The following PLEKHG7 variants were observed in gnomAD, a reference collection of about 807,000 sequenced individuals.
PLEKHG7 encodes the protein pleckstrin homology and RhoGEF domain containing G7, also known as pleckstrin homology domain-containing family G member 7.
PLEKHG7 carries 77 observed loss-of-function variants against 85.2 expected under a neutral mutation model. That is an observed-to-expected ratio of 0.90 (90% CI 0.75 to 1.09). The LOEUF (loss-of-function observed/expected upper bound fraction) is 1.09, where lower values mean the gene tolerates loss of function less well. Among genes scored for constraint, PLEKHG7 ranks in the 50% least tolerant of loss-of-function variants. The probability of loss-of-function intolerance (pLI) is 0.00; values close to 1 mark genes in which losing one functional copy is unlikely to be tolerated. For missense variants in PLEKHG7, 777 were observed against 804.3 expected (o/e 0.97, Z 0.41); for synonymous variants, 301 against 302.4 (o/e 1.00, Z 0.05).
chr12:92,749,637 T>C (rs1872630107), intron 10 of PLEKHG7: 1 of 152,210 alleles, frequency 6.6e-6, no homozygotes, highest in South Asian at 2.1e-4. Flanking sequence ...GAACTCTAGC[T>C]GCCATGGACT....
At position 92,765,815 on chromosome 12, in the gene PLEKHG7, A is replaced by C. The variant is rs533743819; in HGVS notation, c.1870+1621A>C. On this transcript the variant is annotated intron_variant, in intron 15 of 16. Transcript: ENST00000344636. ...TCTAAAAATAAAAATAAATTGTAAA[A>C]ATTTTAATGCCTTACATATATTAAC... is the stretch of plus-strand genomic sequence containing the variant. Among the ~76,000 whole-genome samples the C allele has an allele frequency of 6.6e-5, 10 of 152,150 alleles. No individual in the cohort carries two copies. The South Asian group carries it at 2.1e-3, about 32-fold the overall frequency.
intron 14 of PLEKHG7, among the ~76,000 whole-genome samples, chr12:92,763,729 G>A (rs1355693843): frequency 6.6e-6 from 1 of 152,040 alleles, no homozygotes; most frequent in Admixed American, 6.6e-5. Flanking sequence ...GATGATGGGA[G>A]GATCACTTGA....
At chr12:92,751,341 T>C (rs1348962536) in intron 10 of PLEKHG7, among the ~76,000 whole-genome samples, 1 of 152,120 alleles carries the variant, frequency 6.6e-6, no homozygotes, top group Non-Finnish European at 1.5e-5. Flanking sequence ...CTCACTCTCA[T>C]GGCCAGCCAC....
chr12:92,739,206 A>G (rs1026336211), intron 7 of PLEKHG7, among the ~76,000 whole-genome samples: 3 of 152,216 alleles, frequency 2.0e-5, no homozygotes. Context: ...CATTCATAGC[A>G]GAAGTCTTGA....
chr12:92,718,667 G>A (rs1392693857), intron 3 of PLEKHG7, among the ~76,000 whole-genome samples: 7 of 152,040 alleles, frequency 4.6e-5, no homozygotes, highest in African/African-American at 7.2e-5. Context: ...TGACCTCCTC[G>A]ATCTTCCTTA....
At chr12:92,764,318 GTGTCTACATATC>G (rs1416981998) in intron 15 of PLEKHG7, 124 bp downstream of exon 15, 1 of 988,078 alleles carries the variant, frequency 1.0e-6, no homozygotes, top group African/African-American at 1.7e-5. Flanking sequence ...GTGTTCCTAT[GTGTCTACATATC>G]TTTCACTCTA....
At chr12:92,759,030 A>C (rs956534592) in intron 13 of PLEKHG7, among the ~76,000 whole-genome samples, 1 of 152,174 alleles carries the variant, frequency 6.6e-6, no homozygotes, top group Non-Finnish European at 1.5e-5. Context: ...GCTGCTGCTG[A>C]TAATGATGAT....
At chr12:92,769,893 A>C (rs1009989248) in intron 16 of PLEKHG7, among the ~76,000 whole-genome samples, 195 bp from the exon 17 acceptor site, 4 of 152,168 alleles carry the variant, frequency 2.6e-5, no homozygotes, top group African/African-American at 7.2e-5. Context: ...GCCCATCTGC[A>C]TTTTCCTGTA....
rs374518779 is a variant in PLEKHG7, at chr12:92,764,075, C to T, written c.1751C>T (p.Pro584Leu). The T allele has an allele frequency of 1.0e-4, 167 of 1,611,642 alleles. No individual in the cohort carries two copies. Among genetic ancestry groups the T allele is most frequent in the Non-Finnish European group, 1.3e-4 (156 of 1,178,764 alleles). ...GGCTCAGACCCTGGTTTAATGTGTCCTTCTCTTACTCCTGAGTTGCAAGCA... is the reference window on the plus strand; with the variant it reads ...GGCTCAGACCCTGGTTTAATGTGTCTTTCTCTTACTCCTGAGTTGCAAGCA... ...LGGSDPGLMC[P>L]SLTPELQAVI... The change falls in exon 15 of 17, where the codon CCT becomes CTT. Residue 584 changes from proline (P) to leucine (L), a missense_variant. Pro to Leu is a moderately conservative substitution (Grantham distance 98). Around this residue, in one of 3 missense-constraint regions of PLEKHG7, gnomAD observed 520 missense variants for 544.0 expected, o/e 0.96. Coordinates refer to ENST00000344636, the MANE Select transcript of PLEKHG7 (RefSeq NM_001377329.1).
At chr12:92,768,816 C>A (rs1307352924) in intron 15 of PLEKHG7, among the ~76,000 whole-genome samples, 167 bp from the exon 16 acceptor site, 1 of 151,796 alleles carries the variant, frequency 6.6e-6, no homozygotes, top group Non-Finnish European at 1.5e-5. Context: ...GGGGTCTTGG[C>A]ATTGAAATAA....
chr12:92,709,817 C>T (rs1026607444), intron 3 of PLEKHG7, among the ~76,000 whole-genome samples: 9 of 152,160 alleles, frequency 5.9e-5, no homozygotes, highest in Non-Finnish European at 7.4e-5. Flanking sequence ...GCCAGGCAGG[C>T]GGATCACTTG....
Position 92,752,941 on chromosome 12 carries a change from T to C in PLEKHG7, c.1252-1149T>C, listed in dbSNP as rs1472398907. On this transcript the variant is annotated intron_variant, in intron 10 of 16. Transcript: ENST00000344636. ...TGGTGAAAAGAGAGCTAGAGAGCTC[T>C]CCGGGACCCCTTTTATAGGGACACT... Among the ~76,000 whole-genome samples the C allele has an allele frequency of 3.3e-5, 5 of 152,120 alleles. No individual in the cohort carries two copies. The East Asian group carries it at 9.6e-4, about 29-fold the overall frequency.
chr12:92,748,993 A>T (rs1872612757), intron 10 of PLEKHG7, among the ~76,000 whole-genome samples: 1 of 152,220 alleles, frequency 6.6e-6, no homozygotes, highest in South Asian at 2.1e-4. Flanking sequence ...AGTTTAGACA[A>T]ATTAGGCAAC....
chr12:92,750,591 G>A (rs1872664357), intron 10 of PLEKHG7, among the ~76,000 whole-genome samples: 1 of 152,134 alleles, frequency 6.6e-6, no homozygotes. Flanking sequence ...TGAGTTTTTT[G>A]GGAGGACAGG....
chr12:92,755,726 C>T, intron 11 of PLEKHG7, 99 bp from the exon 12 acceptor site: 3 of 789,952 alleles, frequency 3.8e-6, no homozygotes, highest in Non-Finnish European at 6.6e-6. Context: ...GCTCCAGGGG[C>T]AGCCAGTGTT....
intron 16 of PLEKHG7, among the ~76,000 whole-genome samples, chr12:92,769,761 TCCAGCAATG>T (rs1422351437): frequency 2.6e-5 from 4 of 152,308 alleles, no homozygotes; most frequent in Admixed American, 6.5e-5. Flanking sequence ...GAATAGAAAT[TCCAGCAATG>T]CCACTTTCAA....
intron 16 of PLEKHG7, 35 bp downstream of exon 16, chr12:92,769,115 CAG>C (rs1277992489): frequency 4.2e-6 from 6 of 1,429,158 alleles, no homozygotes; most frequent in Non-Finnish European, 5.8e-6. Context: ...TTTGATTCTT[CAG>C]AGTTTACATA....
intron 11 of PLEKHG7, 46 bp downstream of exon 11, chr12:92,754,310 G>C: frequency 6.3e-7 from 1 of 1,578,430 alleles, no homozygotes; most frequent in Non-Finnish European, 8.7e-7. Context: ...TTGTGGCCTT[G>C]TGACTCCTGG....
chr12:92,722,012 A>C (rs1480003623), intron 3 of PLEKHG7, among the ~76,000 whole-genome samples: 1 of 152,014 alleles, frequency 6.6e-6, no homozygotes, highest in Non-Finnish European at 1.5e-5. Context: ...GATTGCTTCC[A>C]GTGGATGGTC....
Sources: allele counts gnomAD v4.1 joint callset (sites outside exome capture counted in the v4.1 genomes callset), GRCh38; gene constraint gnomAD v4.1.1; regional missense constraint gnomAD v4.1.1; transcripts MANE v1.5; gene names NCBI Gene and HGNC (gene_info 2026-07-23, HGNC 2026-07-21).